The following AMBRA1 variants were observed in gnomAD, a reference collection of about 807,000 sequenced individuals.
The protein encoded by AMBRA1 is activating molecule in BECN1-regulated autophagy protein 1.
AMBRA1 carries 47 observed loss-of-function variants against 125.4 expected under a neutral mutation model. The ratio of observed to expected loss-of-function variants is 0.37; its 90% CI spans 0.30 to 0.48. AMBRA1 has a LOEUF of 0.48. Ranked by LOEUF, AMBRA1 falls within the 20% of genes least tolerant of loss-of-function variation. The pLI is 0.99. For missense variants in AMBRA1, 1,331 were observed against 1,693.4 expected (o/e 0.79, Z 3.76); for synonymous variants, 626 against 655.5 (o/e 0.95, Z 0.69).
rs1032945639 is a variant in AMBRA1, at chr11:46,593,979, C to T, written c.-272G>A. The T allele has an allele frequency of 7.5e-6, 3 of 398,540 alleles. No individual in the cohort carries two copies. The highest frequency in any genetic ancestry group is 1.3e-5 in the Non-Finnish European group (3 of 226,116). 24.7% of individuals were successfully genotyped at this position (398,540 alleles called of 1,614,324 possible). ...CGCGGGGCCTCGCGGACAACTCAGC[C>T]CTCGACCCGGCGCCGCCGCCGCTCA... On this transcript the variant is annotated 5_prime_UTR_variant, in exon 1 of 18. Transcript: ENST00000683756.
At chr11:46,470,895 A>T (rs958003318) in intron 11 of AMBRA1, among the ~76,000 whole-genome samples, 7 of 152,230 alleles carry the variant, frequency 4.6e-5, no homozygotes, top group African/African-American at 1.7e-4. Context: ...TCCCACCTTC[A>T]TGGAAATTAC....
intron 9 of AMBRA1, 104 bp from the exon 10 acceptor site, chr11:46,494,308 A>G (rs1296441923): frequency 1.1e-6 from 1 of 906,656 alleles, no homozygotes; most frequent in East Asian, 2.7e-5. Flanking sequence ...CACTTAGGAG[A>G]GGACCCCACA....
At chr11:46,590,387 G>C (rs2044554342) in intron 1 of AMBRA1, among the ~76,000 whole-genome samples, 1 of 151,660 alleles carries the variant, frequency 6.6e-6, no homozygotes, top group African/African-American at 2.4e-5. Flanking sequence ...TGCACCTGTA[G>C]TTCCAGCTAT....
At chr11:46,518,106 AAAAG>A (rs1951585277) in intron 7 of AMBRA1, 1 of 985,028 alleles carries the variant, frequency 1.0e-6, no homozygotes, top group Non-Finnish European at 1.2e-6. Context: ...TAAAATACTG[AAAAG>A]AAAGAGATAG....
chr11:46,439,607 C>CA (rs1343310545), intron 12 of AMBRA1, among the ~76,000 whole-genome samples: 31 of 152,210 alleles, frequency 2.0e-4, no homozygotes, highest in Non-Finnish European at 7.4e-5. Flanking sequence ...AATGATGACA[C>CA]AAAACCAAGG....
At chr11:46,444,731 T>A (rs1465087962) in intron 11 of AMBRA1, among the ~76,000 whole-genome samples, 4 of 152,194 alleles carry the variant, frequency 2.6e-5, no homozygotes, top group African/African-American at 9.6e-5. Flanking sequence ...TTTTTTTCTT[T>A]TAGAGAGCGG....
At chr11:46,582,916 C>A (rs1462714330) in intron 1 of AMBRA1, among the ~76,000 whole-genome samples, 12 of 150,580 alleles carry the variant, frequency 8.0e-5, no homozygotes, top group Admixed American at 2.0e-4. Flanking sequence ...AAAGGCCTCA[C>A]AGGGATATTT....
At chr11:46,401,877 G>A (rs1445962751) in intron 17 of AMBRA1, among the ~76,000 whole-genome samples, 1 of 152,158 alleles carries the variant, frequency 6.6e-6, no homozygotes, top group African/African-American at 2.4e-5. Flanking sequence ...AGCTGCAAAA[G>A]CCCTCACAGT....
At chr11:46,550,720 A>C (rs2042965339) in intron 1 of AMBRA1, among the ~76,000 whole-genome samples, 1 of 152,156 alleles carries the variant, frequency 6.6e-6, no homozygotes, top group African/African-American at 2.4e-5. Context: ...AAAACTGAGG[A>C]TAACCAAGTG....
At chr11:46,495,879 A>G (rs758686875) in intron 9 of AMBRA1, among the ~76,000 whole-genome samples, 3 of 152,218 alleles carry the variant, frequency 2.0e-5, no homozygotes, top group African/African-American at 4.8e-5. Context: ...ACTAATTATC[A>G]TAAGAGGAGT....
chr11:46,446,854 G>A (rs1948309474), intron 11 of AMBRA1, among the ~76,000 whole-genome samples: 1 of 152,198 alleles, frequency 6.6e-6, no homozygotes. Flanking sequence ...TTATAGTCAT[G>A]GAAAGAAACT....
chr11:46,528,118 T>A (rs962062690), intron 7 of AMBRA1, among the ~76,000 whole-genome samples: 1 of 152,260 alleles, frequency 6.6e-6, no homozygotes. Flanking sequence ...TGGAATATTA[T>A]TCAGCCTTTG....
At position 46,592,755 on chromosome 11, in the gene AMBRA1, T is replaced by TA. The variant is rs919779590; in HGVS notation, c.-121+1072dup. ...TTTGGGCGACAGAGCTAGCCTGTCT[T>TA]AAAAAAAAAAAAGAAAAAAGAGAGA... On this transcript the variant is annotated intron_variant, in intron 1 of 17. Transcript: ENST00000683756. Among the ~76,000 whole-genome samples, 1,297 of 143,150 alleles carry TA rather than the reference T, an allele frequency of 9.1e-3. 13 individuals carry two copies. Among genetic ancestry groups the TA allele is most frequent in the African/African-American group, 0.013 (502 of 38,954 alleles). The allele number at this position is 143,150 out of a possible 152,430, so 93.9% of individuals were successfully genotyped here.
chr11:46,567,908 G>C (rs2043592515), intron 1 of AMBRA1, among the ~76,000 whole-genome samples: 1 of 152,142 alleles, frequency 6.6e-6, no homozygotes, highest in Non-Finnish European at 1.5e-5. Flanking sequence ...CAGCATTTGA[G>C]AGGCCGAGGC....
chr11:46,400,495 TTTTTTTTTTTTTTTG>T (rs1419254125), intron 17 of AMBRA1, among the ~76,000 whole-genome samples: 2 of 95,682 alleles, frequency 2.1e-5, no homozygotes, highest in African/African-American at 9.5e-5. Flanking sequence ...TTTTTTTTTT[TTTTTTTTTTTTTTTG>T]AGACCAGGTC....
chr11:46,504,076 A>C (rs1950942591), intron 9 of AMBRA1, among the ~76,000 whole-genome samples: 1 of 152,192 alleles, frequency 6.6e-6, no homozygotes, highest in African/African-American at 2.4e-5. Context: ...CGACTGATCT[A>C]ATCTGAAGCT....
chr11:46,509,479 TTA>T (rs1343974150), intron 8 of AMBRA1, among the ~76,000 whole-genome samples: 2 of 152,116 alleles, frequency 1.3e-5, no homozygotes, highest in Non-Finnish European at 2.9e-5. Flanking sequence ...ATACATAAGG[TTA>T]CAAAGATATA....
rs143025759 is a variant in AMBRA1 at position 46,514,793 on chromosome 11, T to C, written c.2073-1980A>G. On this transcript the variant is annotated intron_variant, in intron 7 of 17. Transcript: ENST00000683756. ...CCTGCCCACTGGCAGGATTTTTTCA[T>C]GATTTCATAGGAACACATAAAATAA... Among the ~76,000 whole-genome samples the C allele has an allele frequency of 3.6e-4, 55 of 152,286 alleles. No individual in the cohort carries two copies. The East Asian group carries it at 0.01, about 28-fold the overall frequency.
chr11:46,398,149 G>C (rs1945547368), intron 17 of AMBRA1, among the ~76,000 whole-genome samples: 1 of 152,236 alleles, frequency 6.6e-6, no homozygotes, highest in Non-Finnish European at 1.5e-5. Flanking sequence ...CTGTTTTACT[G>C]GTGGGGAAAC....
Sources: gnomAD v4.1 joint callset for allele counts (sites outside exome capture counted in the v4.1 genomes callset) on GRCh38, gnomAD v4.1.1 for gene constraint, MANE v1.5 for transcripts, NCBI Gene and HGNC (gene_info 2026-07-23, HGNC 2026-07-21) for gene names.